Variants in RTEL1 observed in about 807,000 individuals in gnomAD.
RTEL1 encodes regulator of telomere elongation helicase 1, also known as regulator of telomere length.
In RTEL1, 86 loss-of-function variants were observed where a neutral mutation model predicts 162.2. That is an observed-to-expected ratio of 0.53 (90% CI 0.45 to 0.63). The LOEUF (loss-of-function observed/expected upper bound fraction) is 0.63. Among genes scored for constraint, RTEL1 ranks in the 30% least tolerant of loss-of-function variants. The pLI, the probability that RTEL1 is intolerant of heterozygous loss-of-function variation, is 0.00. For missense variants in RTEL1, 1,941 were observed against 1,750.2 expected (o/e 1.11, Z -1.95); for synonymous variants, 958 against 717.9 (o/e 1.33, Z -5.35).
chr20:63,675,489 C>T (rs1437797362), intron 10 of RTEL1, among the ~76,000 whole-genome samples: 2 of 133,736 alleles, frequency 1.5e-5, no homozygotes, highest in Admixed American at 8.2e-5. Context: ...GGTGTTCTGG[C>T]TTTAGAATCC....
chr20:63,664,281 A>G (rs188337287), intron 6 of RTEL1, among the ~76,000 whole-genome samples: 3 of 152,296 alleles, frequency 2.0e-5, no homozygotes, highest in Admixed American at 2.0e-4. Context: ...GATTTCCAGG[A>G]CAGGAGTGCC....
In RTEL1 at chr20:63,673,948, G is replaced by A. The variant is rs1457145320; in HGVS notation, c.774G>A (p.Met258Ile). ...GTGTGCTTGGGCTCTAGGAGAAGAT[G>A]TGTGAAGAATCGGCATCCTTTGACC... is the stretch of plus-strand genomic sequence containing the variant. ...IFDEAHNVEKMCEESASFDLT... is the reference protein window; with the variant it reads ...IFDEAHNVEKICEESASFDLT... Residue 258 changes from methionine to isoleucine, a missense_variant, in exon 10 of 35, where the codon ATG (methionine) becomes ATA (isoleucine). Coordinates refer to ENST00000360203, the MANE Select transcript of RTEL1 (RefSeq NM_001283009.2). 3 of 1,611,816 alleles carry A rather than the reference G, an allele frequency of 1.9e-6. No individual in the cohort carries two copies. Among genetic ancestry groups the A allele is most frequent in the East Asian group, 2.2e-5 (1 of 44,850 alleles).
chr20:63,681,477 G>A (rs1171716394), intron 14 of RTEL1: 2 of 985,314 alleles, frequency 2.0e-6, no homozygotes, highest in Non-Finnish European at 1.2e-6. Context: ...CTGGCCACAC[G>A]AGATCATGGC....
intron 6 of RTEL1, 74 bp from the exon 7 acceptor site, chr20:63,665,930 C>T: frequency 7.0e-7 from 1 of 1,429,474 alleles, no homozygotes; most frequent in East Asian, 2.3e-5. Context: ...GCCGTTCTGT[C>T]CTGGGCATCC....
Position 63,692,768 on chromosome 20 carries a change from GCTGGCCCTGATGGAGCCTCGGGC to G in RTEL1, c.2653-33_2653-11del. The G allele has an allele frequency of 1.3e-6, 2 of 1,585,778 alleles. No homozygotes were observed. Among genetic ancestry groups the G allele is most frequent in the Non-Finnish European group, 1.7e-6 (2 of 1,158,368 alleles). Reference sequence around the variant, plus strand: ...GCAGCCCCAGGGACCAGATGATGAGGCTGGCCCTGATGGAGCCTCGGGCCTGTGTCCTGCAGGAGGAGCCCGTG... The same window carrying G: ...GCAGCCCCAGGGACCAGATGATGAGGCTGTGTCCTGCAGGAGGAGCCCGTG... On this transcript the variant is annotated splice_polypyrimidine_tract_variant and intron_variant, in intron 28 of 34. Coordinates refer to ENST00000360203, the MANE Select transcript of RTEL1 (RefSeq NM_001283009.2).
intron 10 of RTEL1, among the ~76,000 whole-genome samples, chr20:63,674,327 G>A (rs903114119): frequency 6.6e-6 from 1 of 152,216 alleles, no homozygotes; most frequent in Admixed American, 6.5e-5. Context: ...AGGCTTCTTG[G>A]GTGTGAATTC....
intron 29 of RTEL1, 70 bp downstream of exon 29, chr20:63,693,073 T>C: frequency 6.2e-7 from 1 of 1,609,810 alleles, no homozygotes; most frequent in Non-Finnish European, 8.5e-7. Flanking sequence ...GGGGGCCATC[T>C]GGGTCCAAGG....
chr20:63,658,721 C>G (rs2146139084), intron 1 of RTEL1: 1 of 153,018 alleles, frequency 6.5e-6, no homozygotes, highest in South Asian at 2.0e-4. Context: ...TCTGTTAGTC[C>G]CAGTTCCCGG....
In RTEL1 at chr20:63,661,201, G is replaced by T. The variant is rs1398699664; in HGVS notation, c.103-97G>T. 2.6e-6 allele frequency: 3 copies of T among 1,155,818 alleles called. No individual in the cohort carries two copies. The highest frequency in any genetic ancestry group is 1.4e-5 in the South Asian group (1 of 72,388). The allele number at this position is 1,155,818 out of a possible 1,614,324, so 71.6% of individuals were successfully genotyped here. ...TGGCAGTGGCCTCTGCATCTGCAAA[G>T]AGCTGCCCGCTGGCTGCCGAAGCTT... On this transcript the variant is annotated intron_variant, in intron 2 of 34. Coordinates refer to ENST00000360203, the MANE Select transcript of RTEL1 (RefSeq NM_001283009.2). The surrounding 1 kb of genome is among the most constrained non-coding windows in gnomAD (Gnocchi z 5.1).
At chr20:63,660,595 G>A (rs903867486) in intron 2 of RTEL1, 4 of 152,516 alleles carry the variant, frequency 2.6e-5, no homozygotes, top group Non-Finnish European at 5.9e-5. Context: ...AATTGTTCAG[G>A]GTACAGGTCA....
intron 2 of RTEL1, 96 bp downstream of exon 2, chr20:63,659,600 CTCCGG>C: frequency 1.1e-6 from 1 of 927,608 alleles, no homozygotes; most frequent in East Asian, 2.5e-5. Context: ...AGCCAGGCCC[CTCCGG>C]GCCAGAGGCA....
Position 63,659,297 on chromosome 20 carries a change from T to G in RTEL1, c.-106T>G. 1 of 756,034 alleles carries G rather than the reference T, an allele frequency of 1.3e-6. No homozygotes were observed. Among genetic ancestry groups the G allele is most frequent in the Non-Finnish European group, 2.4e-6 (1 of 418,882 alleles). 46.8% of individuals were successfully genotyped at this position (756,034 alleles called of 1,614,324 possible). ...TCCCAGTGCACATGCTCGCATCGCT[T>G]ACCAGGAGTGCCCGAGACCCTAAGA... On this transcript the variant is annotated 5_prime_UTR_variant, in exon 2 of 35. Coordinates refer to ENST00000360203, the MANE Select transcript of RTEL1 (RefSeq NM_001283009.2).
At chr20:63,686,550 G>T (rs1474101368) in intron 16 of RTEL1, 1 of 152,566 alleles carries the variant, frequency 6.6e-6, no homozygotes, top group Admixed American at 6.5e-5. Context: ...TTGCCTCTGG[G>T]CTTGGTTCGT....
In RTEL1 at chr20:63,663,916, C is replaced by T. The variant is rs545343303; in HGVS notation, c.538+1027C>T. 7.9e-5 allele frequency among the ~76,000 whole-genome samples: 12 copies of T among 152,312 alleles called. No individual in the cohort carries two copies. In the South Asian group the frequency reaches 2.3e-3, roughly 29 times the overall value. The stretch of plus-strand genomic sequence containing the variant: ...TGGTCCCGCATGACCCACTACCAGG[C>T]GTTTCTGGGCCCTGGCCCTTGGAGG... On this transcript the variant is annotated intron_variant, in intron 6 of 34. Transcript: ENST00000360203.
Position 63,659,353 on chromosome 20 carries a change from A to G in RTEL1, c.-50A>G. On this transcript the variant is annotated 5_prime_UTR_variant, in exon 2 of 35. Coordinates refer to ENST00000360203, the MANE Select transcript of RTEL1 (RefSeq NM_001283009.2). ...GGAGTGGTTTTTTCGCACAGACCCG[A>G]ATAGCCTGCCCCTCAGCCACGCTCT... 1 of 1,408,984 alleles carries G rather than the reference A, an allele frequency of 7.1e-7. No individual in the cohort carries two copies. The highest frequency in any genetic ancestry group is 1.0e-6 in the Non-Finnish European group (1 of 993,816). The allele number at this position is 1,408,984 out of a possible 1,614,324, so 87.3% of individuals were successfully genotyped here. A position where few individuals can be genotyped will look rare whatever the true frequency, so the allele number is the denominator to read the frequency against.
Position 63,665,987 on chromosome 20 carries a change from C to G in RTEL1, c.539-17C>G. 1 of 1,612,932 alleles carries G rather than the reference C, an allele frequency of 6.2e-7. No homozygotes were observed. Among genetic ancestry groups the G allele is most frequent in the Non-Finnish European group, 8.5e-7 (1 of 1,179,060 alleles). On this transcript the variant is annotated splice_polypyrimidine_tract_variant and intron_variant, in intron 6 of 34. Transcript: ENST00000360203. ...GGACCCTGAGGGTGTGTGTTTACCCCTGCCTCACACCTGCAGAAAAAAGCC... is the reference window on the plus strand; with the variant it reads ...GGACCCTGAGGGTGTGTGTTTACCCGTGCCTCACACCTGCAGAAAAAAGCC...
chr20:63,695,529 C>T lies in RTEL1; in HGVS notation c.3701C>T (p.Pro1234Leu), dbSNP rs537878959. ...GCTGGGCAGCAGGCCACGGGAGCTC[C>T]GGGCGGGCCCCTCTCAGCAGGCTGT... ...DIAGQQATGA[P>L]GGPLSAGCVC... is the part of the protein sequence containing the mutation. The change falls in exon 34 of 35, where the codon CCG becomes CTG. Residue 1234 changes from proline (P) to leucine (L), a missense_variant. Coordinates refer to ENST00000360203, the MANE Select transcript of RTEL1 (RefSeq NM_001283009.2). The T allele has an allele frequency of 1.3e-5, 21 of 1,612,242 alleles. No individual in the cohort carries two copies. Among genetic ancestry groups the T allele is most frequent in the East Asian group, 8.9e-5 (4 of 44,874 alleles).
chr20:63,680,702 C>G lies in RTEL1; in HGVS notation c.1174C>G (p.Leu392Val). The change falls in exon 14 of 35, where the codon CTG becomes GTG. Residue 392 changes from leucine to valine, a missense_variant. Leu to Val is a conservative substitution (Grantham distance 32). Coordinates refer to ENST00000360203, the MANE Select transcript of RTEL1 (RefSeq NM_001283009.2). ...VFTNTAGLQK[L>V]ADIIQIVFSV... ...CACCAACACGGCCGGACTGCAGAAG[C>G]TGGCGGACATTATCCAGGTGGGGCC... The G allele has an allele frequency of 6.2e-7, 1 of 1,613,424 alleles. No individual in the cohort carries two copies. Among genetic ancestry groups the G allele is most frequent in the Non-Finnish European group, 8.5e-7 (1 of 1,179,994 alleles).
chr20:63,667,130 C>T (rs1365545349), intron 7 of RTEL1, among the ~76,000 whole-genome samples: 7 of 152,298 alleles, frequency 4.6e-5, no homozygotes, highest in East Asian at 3.9e-4. Flanking sequence ...TGAGCCACCG[C>T]GCCCGGCCCA....
Sources: allele counts gnomAD v4.1 joint callset (sites outside exome capture counted in the v4.1 genomes callset), GRCh38; gene constraint gnomAD v4.1.1; non-coding constraint Gnocchi (gnomAD v3.1); transcripts MANE v1.5; gene names NCBI Gene and HGNC (gene_info 2026-07-23, HGNC 2026-07-21).